Variants in AREL1 observed in about 807,000 individuals in gnomAD.
AREL1 encodes the protein apoptosis-resistant E3 ubiquitin protein ligase 1.
Under a neutral mutation model 99.0 loss-of-function variants are expected in AREL1, and 62 were observed. The observed-to-expected ratio is 0.63, with a 90% CI of 0.51 to 0.77. The LOEUF (loss-of-function observed/expected upper bound fraction) is 0.77, where lower values mean the gene tolerates loss of function less well. Among genes scored for constraint, AREL1 ranks in the 30% least tolerant of loss-of-function variants. The pLI is 0.00. For missense variants in AREL1, 879 were observed against 1,027.6 expected, an observed-to-expected ratio of 0.86 and a Z score of 1.98; for synonymous variants, 380 against 376.5, an observed-to-expected ratio of 1.01 and a Z score of -0.11.
At chr14:74,712,197 G>T (rs747069956) in intron 1 of AREL1, among the ~76,000 whole-genome samples, 14 of 151,504 alleles carry the variant, frequency 9.2e-5, no homozygotes, top group Non-Finnish European at 1.5e-4. Flanking sequence ...TAAAATAAAA[G>T]AATTTATGTT....
chr14:74,685,162 TCCCA>T (rs2089720813), intron 3 of AREL1, among the ~76,000 whole-genome samples: 1 of 152,242 alleles, frequency 6.6e-6, no homozygotes, highest in Non-Finnish European at 1.5e-5. Flanking sequence ...TGCCTTTGGT[TCCCA>T]CCATTTCCTT....
At chr14:74,702,269 T>C (rs1300857794) in intron 1 of AREL1, among the ~76,000 whole-genome samples, 3 of 152,216 alleles carry the variant, frequency 2.0e-5, no homozygotes, top group African/African-American at 4.8e-5. Flanking sequence ...CCCCACCCCA[T>C]AGCAGACTTC....
In AREL1 at chr14:74,662,725, T is replaced by C. The variant is rs1566674756; in HGVS notation, c.*995A>G. 2.5e-6 allele frequency: 1 copy of C among 397,876 alleles called. No individual in the cohort carries two copies. The highest frequency in any genetic ancestry group is 4.4e-6 in the Non-Finnish European group (1 of 225,704). 24.6% of individuals were successfully genotyped at this position (397,876 alleles called of 1,614,324 possible). On this transcript the variant is annotated 3_prime_UTR_variant, in exon 20 of 20. Transcript: ENST00000356357. ...CCTAGTCCCTGTTCCTTTGTCTTAG[T>C]GCTGCCAGAGAACACCAAGCAGAGA...
chr14:74,695,237 G>A (rs999240954), intron 1 of AREL1, among the ~76,000 whole-genome samples: 1 of 151,640 alleles, frequency 6.6e-6, no homozygotes, highest in African/African-American at 2.4e-5. Context: ...GTACTACTAT[G>A]CCCAGCTAGT....
At chr14:74,697,931 A>G (rs1256042257) in intron 1 of AREL1, among the ~76,000 whole-genome samples, 1 of 152,208 alleles carries the variant, frequency 6.6e-6, no homozygotes, top group Non-Finnish European at 1.5e-5. Context: ...GCTAGAAGCC[A>G]GAGGATAAAT....
chr14:74,673,025 T>C (rs200026472), intron 10 of AREL1, 52 bp downstream of exon 10: 21 of 1,613,964 alleles, frequency 1.3e-5, no homozygotes, highest in Non-Finnish European at 1.6e-5. Context: ...TCCACCCTCA[T>C]GGATGTGGCT....
In AREL1 at chr14:74,676,123, ACTTTT is replaced by A. The variant is rs1240911475; in HGVS notation, c.832+13_832+17del. On this transcript the variant is annotated intron_variant, in intron 7 of 19. Transcript: ENST00000356357. ...CGGCTGAAGAACAGCACTAAATCAT[ACTTTT>A]CTTTTAACTTACCACTTAGGACAAT... The A allele has an allele frequency of 5.0e-6, 8 of 1,607,934 alleles. No individual in the cohort carries two copies. The highest frequency in any genetic ancestry group is 1.1e-5 in the South Asian group (1 of 90,934).
intron 2 of AREL1, among the ~76,000 whole-genome samples, chr14:74,690,713 T>C (rs1168086005): frequency 2.0e-5 from 3 of 152,376 alleles, no homozygotes; most frequent in South Asian, 2.1e-4. Context: ...ATGAGTACTT[T>C]GTGTGTTTTC....
At chr14:74,709,980 C>A (rs1457444831) in intron 1 of AREL1, among the ~76,000 whole-genome samples, 1 of 152,174 alleles carries the variant, frequency 6.6e-6, no homozygotes. Flanking sequence ...GTGATTTTTT[C>A]TCTTCAAGAC....
chr14:74,663,936 C>T lies in AREL1; in HGVS notation c.2332G>A (p.Ala778Thr), dbSNP rs372593008. 1.1e-5 allele frequency: 18 copies of T among 1,614,044 alleles called. No individual in the cohort carries two copies. Among genetic ancestry groups the T allele is most frequent in the African/African-American group, 5.3e-5 (4 of 74,916 alleles). ...GTAGGCAGCGTGCTATGGGTCGGAG[C>T]GGCAATAATCTGAAATGAGGGACAG... is the stretch of plus-strand genomic sequence containing the variant. Reference protein sequence around the residue: ...ALCPSFQIIAAPTHSTLPTAH... With the variant: ...ALCPSFQIIATPTHSTLPTAH... Residue 778 changes from alanine to threonine, a missense_variant, in exon 19 of 20, where the codon GCT (alanine) becomes ACT (threonine). Physicochemically the swap from Ala to Thr is moderately conservative, Grantham distance 58. Transcript: ENST00000356357.
At chr14:74,674,151 TA>T (rs2089419631) in intron 8 of AREL1, 40 bp from the exon 9 acceptor site, 1 of 1,529,314 alleles carries the variant, frequency 6.5e-7, no homozygotes, top group Non-Finnish European at 9.0e-7. Flanking sequence ...GAATGATAAA[TA>T]AAAAGGCTCT....
At chr14:74,708,548 A>T (rs1312512077) in intron 1 of AREL1, among the ~76,000 whole-genome samples, 1 of 152,204 alleles carries the variant, frequency 6.6e-6, no homozygotes, top group Non-Finnish European at 1.5e-5. Flanking sequence ...GGTTAAAATA[A>T]CATGCTCTGG....
intron 4 of AREL1, among the ~76,000 whole-genome samples, chr14:74,683,898 G>A (rs1011193973): frequency 5.3e-5 from 8 of 152,130 alleles, no homozygotes; most frequent in East Asian, 1.9e-4. Flanking sequence ...TAAGTTAGCC[G>A]GCAGCACTGG....
intron 1 of AREL1, among the ~76,000 whole-genome samples, chr14:74,703,696 C>T (rs1292484620): frequency 6.6e-6 from 1 of 152,168 alleles, no homozygotes; most frequent in Admixed American, 6.5e-5. Context: ...CAGAGTAGTA[C>T]TCCATTAAAT....
At position 74,685,633 on chromosome 14, in the gene AREL1, A is replaced by C. The variant is rs371839334; in HGVS notation, c.-18T>G. 6 of 1,614,106 alleles carry C rather than the reference A, an allele frequency of 3.7e-6. No homozygotes were observed. The African/African-American group carries it at 4.0e-5, about 11-fold the overall frequency. ...TAAAACATCAGGTCCCGTCAATGCCAACAGACAGCCGAGGATCACAGCTGC... is the reference window on the plus strand; with the variant it reads ...TAAAACATCAGGTCCCGTCAATGCCCACAGACAGCCGAGGATCACAGCTGC... On this transcript the variant is annotated 5_prime_UTR_variant, in exon 3 of 20. Transcript: ENST00000356357.
chr14:74,689,028 A>G (rs1027077955), intron 2 of AREL1, among the ~76,000 whole-genome samples: 1 of 144,266 alleles, frequency 6.9e-6, no homozygotes, highest in African/African-American at 2.6e-5. Flanking sequence ...TTTTTTTTTT[A>G]GTAGAGACAG....
chr14:74,663,577 T>C lies in AREL1; in HGVS notation c.*143A>G. ...GTGAGGTAAAGACAAGGCTTGTAGG[T>C]GACAAAATCCTCCAGACACAGGGGA... On this transcript the variant is annotated 3_prime_UTR_variant, in exon 20 of 20. Coordinates refer to ENST00000356357, the MANE Select transcript of AREL1 (RefSeq NM_001039479.2). The C allele has an allele frequency of 1.2e-6, 1 of 866,304 alleles. No homozygotes were observed. The highest frequency in any genetic ancestry group is 1.9e-6 in the Non-Finnish European group (1 of 527,934). The allele number at this position is 866,304 out of a possible 1,614,324, so 53.7% of individuals were successfully genotyped here. A position where few individuals can be genotyped will look rare whatever the true frequency, so the allele number is the denominator to read the frequency against.
At chr14:74,666,746 G>C (rs1470241226) in intron 17 of AREL1, among the ~76,000 whole-genome samples, 1 of 141,378 alleles carries the variant, frequency 7.1e-6, no homozygotes, top group African/African-American at 2.7e-5. Context: ...TTGAGACAGA[G>C]TCTTACTCTG....
At chr14:74,702,656 T>A (rs543934233) in intron 1 of AREL1, among the ~76,000 whole-genome samples, 16 of 152,350 alleles carry the variant, frequency 1.1e-4, no homozygotes, top group African/African-American at 3.8e-4. Context: ...TTTATGCAAA[T>A]TTCTGTAGCC....
Sources: gnomAD v4.1 joint callset for allele counts (sites outside exome capture counted in the v4.1 genomes callset) on GRCh38, gnomAD v4.1.1 for gene constraint, MANE v1.5 for transcripts, NCBI Gene and HGNC (gene_info 2026-07-23, HGNC 2026-07-21) for gene names.